The following SMIM24 variants were observed in gnomAD, a reference collection of about 807,000 sequenced individuals.
SMIM24 encodes MAP17-related dimer.
In SMIM24, 6 loss-of-function variants were observed where a neutral mutation model predicts 10.8. The ratio of observed to expected loss-of-function variants is 0.55; its 90% CI spans 0.30 to 1.09. SMIM24 has a LOEUF of 1.09. SMIM24 is among the 50% of genes least tolerant of loss of function. The probability of loss-of-function intolerance (pLI) is 0.06; values close to 1 mark genes in which losing one functional copy is unlikely to be tolerated. For synonymous variants in SMIM24, 71 were observed against 62.4 expected, an observed-to-expected ratio of 1.14 and a Z score of -0.65; for missense variants, 151 against 153.4, an observed-to-expected ratio of 0.98 and a Z score of 0.08.
Position 3,474,504 on chromosome 19 carries a change from TC to T in SMIM24, c.*338del. On this transcript the variant is annotated 3_prime_UTR_variant, in exon 4 of 4. Coordinates refer to ENST00000215531, the MANE Select transcript of SMIM24 (RefSeq NM_001136503.2). Reference sequence around the variant, plus strand: ...GAGGGGAAGTTCTGTTCAGTAGACATCAGGCAGAGAGAAAAGAAATCAGGCA... The same window carrying T: ...GAGGGGAAGTTCTGTTCAGTAGACATAGGCAGAGAGAAAAGAAATCAGGCA... The T allele has an allele frequency of 3.3e-6, 1 of 301,060 alleles. No individual in the cohort carries two copies. Among genetic ancestry groups the T allele is most frequent in the Non-Finnish European group, 6.2e-6 (1 of 161,838 alleles). The allele number at this position is 301,060 out of a possible 1,614,324, so 18.6% of individuals were successfully genotyped here. A position where few individuals can be genotyped will look rare whatever the true frequency, so the allele number is the denominator to read the frequency against.
intron 1 of SMIM24, 139 bp downstream of exon 1, chr19:3,480,258 G>T (rs938624820): frequency 2.5e-5 from 22 of 896,100 alleles, no homozygotes; most frequent in Non-Finnish European, 3.6e-5. Flanking sequence ...GTACTGCGGG[G>T]GTTGAGAAGG....
At position 3,478,907 on chromosome 19, in the gene SMIM24, C is replaced by G; in HGVS notation, c.90G>C (p.Pro30=). The G allele has an allele frequency of 6.5e-7, 1 of 1,549,852 alleles. No individual in the cohort carries two copies. The highest frequency in any genetic ancestry group is 8.7e-7 in the Non-Finnish European group (1 of 1,146,728). The change falls in exon 2 of 4, where the codon CCG becomes CCC. Residue 30 remains proline (P), a synonymous_variant. Coordinates refer to ENST00000215531, the MANE Select transcript of SMIM24 (RefSeq NM_001136503.2). ...CTACCGCAGCCAGGCCCACCAGCCA[C>G]GGCTTCAGGCGATGCTCCGTGGCTG... ...AQQATEHRLK[P]WLVGLAAVVG... is the part of the protein sequence containing the mutation.
chr19:3,478,964 GA>G (rs1224007411), intron 1 of SMIM24, 35 bp from the exon 2 acceptor site: 3 of 1,509,540 alleles, frequency 2.0e-6, no homozygotes, highest in African/African-American at 2.8e-5. Context: ...CTCAGAGGAA[GA>G]AAAGGTCAGA....
rs994130690 is a variant in SMIM24, at chr19:3,474,425, G to A, written c.*418C>T. On this transcript the variant is annotated 3_prime_UTR_variant, in exon 4 of 4. Transcript: ENST00000215531. ...GCCCTTCCAAAGGGCTGTTACGAAT[G>A]CTTTAATGCAGGCCATTGGGAAGCA... 1 of 170,836 alleles carries A rather than the reference G, an allele frequency of 5.9e-6. No individual in the cohort carries two copies. Among genetic ancestry groups the A allele is most frequent in the Non-Finnish European group, 1.3e-5 (1 of 79,066 alleles). 10.6% of individuals were successfully genotyped at this position (170,836 alleles called of 1,614,324 possible). A position where few individuals can be genotyped will look rare whatever the true frequency, so the allele number is the denominator to read the frequency against.
At chr19:3,478,527 G>T (rs756322863) in intron 2 of SMIM24, 49 bp from the exon 3 acceptor site, 1 of 1,481,100 alleles carries the variant, frequency 6.8e-7, no homozygotes, top group Admixed American at 2.2e-5. Context: ...GGAGAAAGGG[G>T]GCGGTAAAGG....
chr19:3,479,417 G>A (rs1016014671), intron 1 of SMIM24, among the ~76,000 whole-genome samples: 28 of 150,128 alleles, frequency 1.9e-4, no homozygotes, highest in Non-Finnish European at 5.9e-5. Flanking sequence ...TGGGGGGTTG[G>A]GGCTTACAAC....
intron 1 of SMIM24, among the ~76,000 whole-genome samples, chr19:3,480,019 G>A (rs1056485629): frequency 1.3e-5 from 2 of 151,510 alleles, no homozygotes; most frequent in Admixed American, 1.3e-4. Context: ...GAGGGGCTCG[G>A]GGAGGGGTTT....
chr19:3,475,773 T>C (rs1253192552), intron 3 of SMIM24, among the ~76,000 whole-genome samples: 3 of 150,992 alleles, frequency 2.0e-5, no homozygotes, highest in South Asian at 2.1e-4. Flanking sequence ...GGTGACTGAG[T>C]TGGCGAATGA....
At chr19:3,475,588 T>G in intron 3 of SMIM24, among the ~76,000 whole-genome samples, 1 of 125,818 alleles carries the variant, frequency 7.9e-6, no homozygotes, top group African/African-American at 3.2e-5. Flanking sequence ...GACAGATGAA[T>G]GGGTGGGTGG....
At position 3,474,507 on chromosome 19, in the gene SMIM24, G is replaced by T; in HGVS notation, c.*336C>A. ...GGGAAGTTCTGTTCAGTAGACATCA[G>T]GCAGAGAGAAAAGAAATCAGGCAGT... is the stretch of plus-strand genomic sequence containing the variant. On this transcript the variant is annotated 3_prime_UTR_variant, in exon 4 of 4. Transcript: ENST00000215531. 3.2e-6 allele frequency: 1 copy of T among 311,012 alleles called. No individual in the cohort carries two copies. The highest frequency in any genetic ancestry group is 4.5e-5 in the Admixed American group (1 of 22,190). 19.3% of individuals were successfully genotyped at this position (311,012 alleles called of 1,614,324 possible). A position where few individuals can be genotyped will look rare whatever the true frequency, so the allele number is the denominator to read the frequency against.
In SMIM24 at chr19:3,478,812, A is replaced by T. The variant is rs2082804252; in HGVS notation, c.179+6T>A. 6.5e-7 allele frequency: 1 copy of T among 1,542,436 alleles called. No individual in the cohort carries two copies. The highest frequency in any genetic ancestry group is 8.8e-7 in the Non-Finnish European group (1 of 1,141,642). On this transcript the variant is annotated splice_donor_region_variant and intron_variant, in intron 2 of 3. Coordinates refer to ENST00000215531, the MANE Select transcript of SMIM24 (RefSeq NM_001136503.2). ...TGGGGGCAGCGGGGTGGGGGCGGGCACCCACCTGGCCTTGGAACACCAGAG... is the reference window on the plus strand; with the variant it reads ...TGGGGGCAGCGGGGTGGGGGCGGGCTCCCACCTGGCCTTGGAACACCAGAG...
chr19:3,475,510 G>A (rs2082788835), intron 3 of SMIM24, among the ~76,000 whole-genome samples: 1 of 151,558 alleles, frequency 6.6e-6, no homozygotes, highest in East Asian at 1.9e-4. Context: ...ATGGCTAGGT[G>A]GGTGAGTGGT....
Position 3,474,910 on chromosome 19 carries a change from T to G in SMIM24, c.326A>C (p.Asn109Thr). 1 of 1,551,736 alleles carries G rather than the reference T, an allele frequency of 6.4e-7. No individual in the cohort carries two copies. The highest frequency in any genetic ancestry group is 8.7e-7 in the Non-Finnish European group (1 of 1,147,000). Residue 109 changes from asparagine (N) to threonine (T), a missense_variant, in exon 4 of 4, where the codon AAC (asparagine) becomes ACC (threonine). Transcript: ENST00000215531. Reference protein sequence around the residue: ...EKKTAKEGESNLGLDLEEKEP... With the variant: ...EKKTAKEGESTLGLDLEEKEP... The stretch of plus-strand genomic sequence containing the variant: ...TTTTTCCTCCAGATCCAGTCCCAAG[T>G]TGCTCTCTCCTTCCTTTGCTGTCTT...
At chr19:3,475,808 G>A (rs916161276) in intron 3 of SMIM24, among the ~76,000 whole-genome samples, 1 of 151,416 alleles carries the variant, frequency 6.6e-6, no homozygotes, top group African/African-American at 2.4e-5. Flanking sequence ...GTGTGGGTGG[G>A]CGGATGATGG....
In SMIM24 at chr19:3,478,624, G is replaced by C. The variant is rs1010893453; in HGVS notation, c.180-146C>G. On this transcript the variant is annotated intron_variant, in intron 2 of 3. Transcript: ENST00000215531. ...CCAGGACGCAAGGAAGGGCTGGGCT[G>C]CCTGGCTCGTTGTCTTGGGGAGACG... 4 of 921,092 alleles carry C rather than the reference G, an allele frequency of 4.3e-6. No individual in the cohort carries two copies. In the African/African-American group the frequency reaches 5.0e-5, roughly 12 times the overall value. 57.1% of individuals were successfully genotyped at this position (921,092 alleles called of 1,614,324 possible). A position where few individuals can be genotyped will look rare whatever the true frequency, so the allele number is the denominator to read the frequency against.
At chr19:3,475,805 T>C (rs1293262588) in intron 3 of SMIM24, among the ~76,000 whole-genome samples, 1 of 149,632 alleles carries the variant, frequency 6.7e-6, no homozygotes, top group East Asian at 2.0e-4. Flanking sequence ...AGTGTGTGGG[T>C]GGGCGGATGA....
At chr19:3,475,481 T>C (rs2082788689) in intron 3 of SMIM24, among the ~76,000 whole-genome samples, 1 of 146,258 alleles carries the variant, frequency 6.8e-6, no homozygotes, top group Non-Finnish European at 1.5e-5. Flanking sequence ...GGGGTATGGA[T>C]GACTGGATGA....
At chr19:3,480,194 G>A (rs1390887501) in intron 1 of SMIM24, among the ~76,000 whole-genome samples, 1 of 151,700 alleles carries the variant, frequency 6.6e-6, no homozygotes, top group African/African-American at 2.4e-5. Context: ...TCGGGTGGGC[G>A]GTGGGGGGTC....
At chr19:3,475,495 G>A (rs1271729458) in intron 3 of SMIM24, among the ~76,000 whole-genome samples, 1 of 151,538 alleles carries the variant, frequency 6.6e-6, no homozygotes, top group Non-Finnish European at 1.5e-5. Flanking sequence ...TGGATGAACG[G>A]GTGGATGGCT....
Sources: gnomAD v4.1 joint callset for allele counts (sites outside exome capture counted in the v4.1 genomes callset) on GRCh38, gnomAD v4.1.1 for gene constraint, MANE v1.5 for transcripts, NCBI Gene and HGNC (gene_info 2026-07-23, HGNC 2026-07-21) for gene names.